PPFIA2: variants seen among roughly 807,000 people sequenced by gnomAD.
PPFIA2 encodes liprin-alpha-2.
In PPFIA2, 46 loss-of-function variants were observed where a neutral mutation model predicts 175.5. The observed-to-expected ratio is 0.26, with a 90% confidence interval of 0.21 to 0.34. The LOEUF (loss-of-function observed/expected upper bound fraction) is 0.34, where lower values mean the gene tolerates loss of function less well. Ranked by LOEUF, PPFIA2 falls within the 10% of genes least tolerant of loss-of-function variation. The pLI is 1.00. For synonymous variants in PPFIA2, 568 were observed against 511.4 expected (o/e 1.11, Z -1.49); for missense variants, 1,179 against 1,506.1 (o/e 0.78, Z 3.60).
At chr12:81,421,182 T>C (rs886704999) in intron 7 of PPFIA2, among the ~76,000 whole-genome samples, 4 of 152,112 alleles carry the variant, frequency 2.6e-5, no homozygotes, top group African/African-American at 9.7e-5. Flanking sequence ...GTTCTTCAAA[T>C]TTTAACAAAA....
At chr12:81,515,482 A>G (rs1002288054) in intron 4 of PPFIA2, among the ~76,000 whole-genome samples, 2 of 152,064 alleles carry the variant, frequency 1.3e-5, no homozygotes, top group African/African-American at 4.8e-5. Context: ...ATTTTGCTAC[A>G]ATTATTTTAG....
intron 4 of PPFIA2, among the ~76,000 whole-genome samples, chr12:81,549,426 C>T (rs552399497): frequency 5.9e-5 from 9 of 152,122 alleles, no homozygotes; most frequent in African/African-American, 2.2e-4. Context: ...TTTGGTTTCT[C>T]TAAAAATATG....
intron 21 of PPFIA2, among the ~76,000 whole-genome samples, chr12:81,338,415 A>G (rs904340229): frequency 6.6e-6 from 1 of 152,126 alleles, no homozygotes; most frequent in Admixed American, 6.6e-5. Flanking sequence ...ATGTATGTAT[A>G]TATCTGCTTA....
chr12:81,724,814 T>C (rs2079838673), intron 3 of PPFIA2, among the ~76,000 whole-genome samples: 1 of 150,964 alleles, frequency 6.6e-6, no homozygotes, highest in African/African-American at 2.4e-5. Context: ...TTTTTTGATA[T>C]AATGATTTCT....
intron 3 of PPFIA2, among the ~76,000 whole-genome samples, chr12:81,736,632 C>T (rs1285098103): frequency 6.6e-6 from 1 of 151,866 alleles, no homozygotes; most frequent in African/African-American, 2.4e-5. Flanking sequence ...ATCTAGAATA[C>T]TCAAAGGAAT....
chr12:81,271,191 C>T (rs962260943), intron 28 of PPFIA2, among the ~76,000 whole-genome samples: 1 of 152,000 alleles, frequency 6.6e-6, no homozygotes, highest in East Asian at 1.9e-4. Flanking sequence ...TCTATTTGTC[C>T]TATCTGTTCT....
intron 7 of PPFIA2, among the ~76,000 whole-genome samples, chr12:81,413,948 A>G (rs1231824860): frequency 6.6e-6 from 1 of 151,804 alleles, no homozygotes; most frequent in Admixed American, 6.6e-5. Flanking sequence ...TTCTAGCTGT[A>G]ATAATAGCTA....
At chr12:81,306,144 C>A (rs1309423782) in intron 22 of PPFIA2, among the ~76,000 whole-genome samples, 1 of 152,092 alleles carries the variant, frequency 6.6e-6, no homozygotes. Flanking sequence ...CCTTTACTTT[C>A]TATTGTCACT....
chr12:81,468,452 A>G (rs1040449031), intron 4 of PPFIA2, among the ~76,000 whole-genome samples: 8 of 152,222 alleles, frequency 5.3e-5, no homozygotes, highest in African/African-American at 1.9e-4. Flanking sequence ...AATTTTCAAC[A>G]GCTCTGACAG....
At chr12:81,608,554 C>A (rs1175095060) in intron 4 of PPFIA2, among the ~76,000 whole-genome samples, 1 of 151,920 alleles carries the variant, frequency 6.6e-6, no homozygotes, top group Non-Finnish European at 1.5e-5. Flanking sequence ...TTATCTATTT[C>A]TTCTAGATTT....
chr12:81,748,618 A>G lies in PPFIA2; in HGVS notation c.249+5355T>C, dbSNP rs1158532017. ...ACAACAGCCAATTGACATAAAGCTG[A>G]CACAGCCAACCTTCAGCTAGCCAGT... On this transcript the variant is annotated intron_variant, in intron 3 of 32. Transcript: ENST00000549396. 1.4e-5 allele frequency among the ~76,000 whole-genome samples: 2 copies of G among 144,704 alleles called. 1 individual carries two copies. The highest frequency in any genetic ancestry group is 3.1e-5 in the Non-Finnish European group (2 of 64,502). The allele number at this position is 144,704 out of a possible 152,430, so 94.9% of individuals were successfully genotyped here. A position where few individuals can be genotyped will look rare whatever the true frequency, so the allele number is the denominator to read the frequency against.
chr12:81,326,295 A>G (rs549338080), intron 21 of PPFIA2, among the ~76,000 whole-genome samples: 12 of 152,112 alleles, frequency 7.9e-5, no homozygotes, highest in South Asian at 6.2e-4. Flanking sequence ...ATGATAGCCA[A>G]TTGGGTAGGA....
rs117675920 is a variant in PPFIA2 at position 81,318,373 on chromosome 12, C to T, written c.2642+7404G>A. Among the ~76,000 whole-genome samples, 891 of 151,810 alleles carry T rather than the reference C, an allele frequency of 5.9e-3. 3 individuals are homozygous for T. Among genetic ancestry groups the T allele is most frequent in the South Asian group, 0.024 (117 of 4,818 alleles). ...ACATTAAATTATTTGTCAGGCATTG[C>T]TCATTTGCCTACCTTGTAGAAAGTT... On this transcript the variant is annotated intron_variant, in intron 22 of 32. Coordinates refer to ENST00000549396, the MANE Select transcript of PPFIA2 (RefSeq NM_003625.5).
chr12:81,757,124 C>G (rs1164528125), intron 2 of PPFIA2, among the ~76,000 whole-genome samples: 1 of 151,978 alleles, frequency 6.6e-6, no homozygotes, highest in African/African-American at 2.4e-5. Context: ...TTCTTAAATG[C>G]ACATTTTGCA....
intron 5 of PPFIA2, among the ~76,000 whole-genome samples, chr12:81,455,912 A>G (rs2053495555): frequency 6.6e-6 from 1 of 152,154 alleles, no homozygotes; most frequent in Non-Finnish European, 1.5e-5. Flanking sequence ...TAAAATTGAG[A>G]TAATTATAAC....
intron 4 of PPFIA2, among the ~76,000 whole-genome samples, chr12:81,532,960 T>C (rs74106623): frequency 0.12 from 16,348 of 133,740 alleles, 1,000 homozygotes; most frequent in Middle Eastern, 0.16. Flanking sequence ...TTAACAAATA[T>C]CATTTAATTT....
intron 3 of PPFIA2, among the ~76,000 whole-genome samples, chr12:81,713,173 T>G (rs565488038): frequency 2.0e-5 from 3 of 151,182 alleles, no homozygotes; most frequent in Admixed American, 6.8e-5. Flanking sequence ...ACAGCTTTTT[T>G]GGGGGGGTCT....
intron 31 of PPFIA2, among the ~76,000 whole-genome samples, chr12:81,262,375 A>C (rs2035889060): frequency 2.0e-5 from 3 of 152,136 alleles, no homozygotes; most frequent in Admixed American, 1.3e-4. Flanking sequence ...CAAGTATTGA[A>C]GAACTTCTAC....
chr12:81,411,945 G>A (rs1442783651), intron 7 of PPFIA2, among the ~76,000 whole-genome samples: 1 of 151,974 alleles, frequency 6.6e-6, no homozygotes, highest in African/African-American at 2.4e-5. Flanking sequence ...GGACAAGAGG[G>A]AACAGCAATG....
Sources: allele counts gnomAD v4.1 joint callset (sites outside exome capture counted in the v4.1 genomes callset), GRCh38; gene constraint gnomAD v4.1.1; transcripts MANE v1.5; gene names NCBI Gene and HGNC (gene_info 2026-07-23, HGNC 2026-07-21).